Variants in THSD7B observed in about 807,000 individuals in gnomAD.
THSD7B encodes the protein thrombospondin type 1 domain containing 7B, also known as thrombospondin type-1 domain-containing protein 7B.
THSD7B carries 138 observed loss-of-function variants against 213.6 expected under a neutral mutation model. That is an observed-to-expected ratio of 0.65 (90% CI 0.56 to 0.74). The LOEUF (loss-of-function observed/expected upper bound fraction) is 0.74, where lower values mean the gene tolerates loss of function less well. Among genes scored for constraint, THSD7B ranks in the 30% least tolerant of loss-of-function variants. The probability of loss-of-function intolerance (pLI) is 0.00; values close to 1 mark genes in which losing one functional copy is unlikely to be tolerated. For synonymous variants in THSD7B, 742 were observed against 687.0 expected (o/e 1.08, Z -1.25); for missense variants, 1,931 against 1,991.5 (o/e 0.97, Z 0.58).
chr2:137,581,491 G>C (rs1343418259), intron 17 of THSD7B, among the ~76,000 whole-genome samples: 1 of 152,120 alleles, frequency 6.6e-6, no homozygotes, highest in African/African-American at 2.4e-5. Flanking sequence ...CAGAGGCTGA[G>C]GCAGGACACA....
At chr2:137,070,864 C>T (rs1687471343) in intron 3 of THSD7B, among the ~76,000 whole-genome samples, 1 of 136,688 alleles carries the variant, frequency 7.3e-6, no homozygotes. Flanking sequence ...TTTCCAGTTT[C>T]ATCTATGTCC....
At chr2:136,770,589 A>G (rs1681486707) in intron 1 of THSD7B, among the ~76,000 whole-genome samples, 1 of 152,158 alleles carries the variant, frequency 6.6e-6, no homozygotes. Context: ...ACTGGGTGTC[A>G]CCCACCTGGT....
At chr2:137,345,617 A>G (rs1315789138) in intron 12 of THSD7B, among the ~76,000 whole-genome samples, 1 of 151,504 alleles carries the variant, frequency 6.6e-6, no homozygotes, top group African/African-American at 2.4e-5. Context: ...GAGAATATGA[A>G]TTAATATGGT....
At chr2:136,898,685 C>A (rs1684009641) in intron 2 of THSD7B, among the ~76,000 whole-genome samples, 1 of 146,794 alleles carries the variant, frequency 6.8e-6, no homozygotes, top group Non-Finnish European at 1.5e-5. Context: ...CCCCCATCAC[C>A]AGGCTGGAGT....
At chr2:137,017,959 C>T (rs1043365508) in intron 2 of THSD7B, among the ~76,000 whole-genome samples, 3 of 150,166 alleles carry the variant, frequency 2.0e-5, no homozygotes, top group African/African-American at 4.9e-5. Flanking sequence ...TCTGTGAGGC[C>T]GAGGGAAAGA....
chr2:137,170,792 G>A lies in THSD7B; in HGVS notation c.1577G>A (p.Gly526Glu). 1 of 1,613,642 alleles carries A rather than the reference G, an allele frequency of 6.2e-7. No individual in the cohort carries two copies. Among genetic ancestry groups the A allele is most frequent in the Admixed American group, 1.7e-5 (1 of 59,994 alleles). The stretch of plus-strand genomic sequence containing the variant: ...CTCATGGAATCTACAGGGCCTGCAG[G>A]GCATTGCCCTCATTTGGTGGAGTCT... Reference protein sequence around the residue: ...HVLMESTGPAGHCPHLVESVP... With the variant: ...HVLMESTGPAEHCPHLVESVP... The change falls in exon 7 of 28, where the codon GGG becomes GAG. Residue 526 changes from glycine to glutamate, a missense_variant. Physicochemically the swap from Gly to Glu is moderately conservative, Grantham distance 98. Transcript: ENST00000409968.
intron 2 of THSD7B, among the ~76,000 whole-genome samples, chr2:137,054,081 C>CTTGCAA (rs1687116823): frequency 6.6e-6 from 1 of 152,170 alleles, no homozygotes; most frequent in East Asian, 1.9e-4. Flanking sequence ...TAACAAGAAA[C>CTTGCAA]ATCTCAATTT....
At chr2:137,354,021 A>G (rs1685071126) in intron 12 of THSD7B, among the ~76,000 whole-genome samples, 1 of 152,214 alleles carries the variant, frequency 6.6e-6, no homozygotes, top group Admixed American at 6.6e-5. Context: ...TCTCTGTCCC[A>G]GACTAATCCT....
chr2:137,362,419 G>A (rs1258850670), intron 12 of THSD7B, among the ~76,000 whole-genome samples: 6 of 152,116 alleles, frequency 3.9e-5, no homozygotes, highest in African/African-American at 1.2e-4. Flanking sequence ...AAATGCCCCA[G>A]TTAAAAGACA....
At chr2:137,046,467 C>T (rs148873378) in intron 2 of THSD7B, among the ~76,000 whole-genome samples, 1 of 152,136 alleles carries the variant, frequency 6.6e-6, no homozygotes, top group East Asian at 1.9e-4. Context: ...TGGTGGCTCA[C>T]GACTGTCATC....
chr2:137,534,194 A>G (rs1476497227), intron 15 of THSD7B, among the ~76,000 whole-genome samples: 3 of 151,720 alleles, frequency 2.0e-5, no homozygotes, highest in Admixed American at 6.6e-5. Flanking sequence ...ATAAAATAGA[A>G]ATAGTTATCT....
chr2:137,645,886 C>T (rs1405063238), intron 21 of THSD7B, among the ~76,000 whole-genome samples: 1 of 152,124 alleles, frequency 6.6e-6, no homozygotes, highest in Non-Finnish European at 1.5e-5. Context: ...TGAGCCCTCC[C>T]TTCCCTGGAG....
intron 2 of THSD7B, among the ~76,000 whole-genome samples, chr2:136,977,042 G>A (rs1280567785): frequency 6.6e-6 from 1 of 152,146 alleles, no homozygotes; most frequent in Admixed American, 6.6e-5. Context: ...AGAAGAAATG[G>A]TACCAGCTCC....
At chr2:137,249,422 C>A (rs1242120334) in intron 10 of THSD7B, among the ~76,000 whole-genome samples, 1 of 152,064 alleles carries the variant, frequency 6.6e-6, no homozygotes, top group African/African-American at 2.4e-5. Flanking sequence ...GAGCTCAGAA[C>A]TCTTAGTCTG....
At chr2:137,137,314 T>C (rs1679485225) in intron 5 of THSD7B, among the ~76,000 whole-genome samples, 1 of 152,182 alleles carries the variant, frequency 6.6e-6, no homozygotes, top group Admixed American at 6.5e-5. Flanking sequence ...GAAGCAACCA[T>C]TCATCAGTTT....
intron 15 of THSD7B, among the ~76,000 whole-genome samples, chr2:137,484,299 C>A (rs1005192894): frequency 6.7e-4 from 101 of 149,708 alleles, no homozygotes; most frequent in African/African-American, 2.4e-3. Flanking sequence ...CGATAGTTTA[C>A]TGAGAATGAT....
At chr2:136,942,227 C>A (rs1379012179) in intron 2 of THSD7B, among the ~76,000 whole-genome samples, 3 of 152,164 alleles carry the variant, frequency 2.0e-5, no homozygotes, top group Non-Finnish European at 4.4e-5. Flanking sequence ...GGTACCAGTA[C>A]CATGCTGTTT....
At chr2:137,671,858 A>G (rs949756255) in intron 27 of THSD7B, among the ~76,000 whole-genome samples, 1 of 152,142 alleles carries the variant, frequency 6.6e-6, no homozygotes, top group Non-Finnish European at 1.5e-5. Flanking sequence ...CTTGCTAGCT[A>G]TTGGTACTCT....
chr2:136,885,479 A>ATC (rs1683702473), intron 2 of THSD7B, among the ~76,000 whole-genome samples: 1 of 152,154 alleles, frequency 6.6e-6, no homozygotes, highest in Non-Finnish European at 1.5e-5. Flanking sequence ...AGATCCTATA[A>ATC]TCTATATTGG....
Sources: allele counts gnomAD v4.1 joint callset (sites outside exome capture counted in the v4.1 genomes callset), GRCh38; gene constraint gnomAD v4.1.1; transcripts MANE v1.5; gene names NCBI Gene and HGNC (gene_info 2026-07-23, HGNC 2026-07-21).